GNA12: variants seen among roughly 807,000 people sequenced by gnomAD.
GNA12 encodes guanine nucleotide-binding protein subunit alpha-12.
Under a neutral mutation model 26.0 loss-of-function variants are expected in GNA12, and 9 were observed. The observed-to-expected ratio is 0.35, with a 90% CI of 0.21 to 0.60. The LOEUF (loss-of-function observed/expected upper bound fraction) is 0.60, where lower values mean the gene tolerates loss of function less well. Ranked by LOEUF, GNA12 falls within the 20% of genes least tolerant of loss-of-function variation. GNA12 has a pLI of 0.78. For synonymous variants in GNA12, 264 were observed against 219.6 expected, an observed-to-expected ratio of 1.20 and a Z score of -1.79; for missense variants, 405 against 525.8, an observed-to-expected ratio of 0.77 and a Z score of 2.25.
At chr7:2,735,949 C>T (rs1055566373) in intron 2 of GNA12, among the ~76,000 whole-genome samples, 2 of 152,198 alleles carry the variant, frequency 1.3e-5, no homozygotes, top group African/African-American at 4.8e-5. Context: ...CTGTCACTCA[C>T]ATCCGCACTC....
chr7:2,736,960 T>A (rs1790213283), intron 2 of GNA12, among the ~76,000 whole-genome samples: 1 of 152,222 alleles, frequency 6.6e-6, no homozygotes, highest in Non-Finnish European at 1.5e-5. Flanking sequence ...CATGAGGGGC[T>A]GACTCTGGTT....
At chr7:2,754,677 A>G (rs1791206117) in intron 2 of GNA12, among the ~76,000 whole-genome samples, 1 of 152,112 alleles carries the variant, frequency 6.6e-6, no homozygotes, top group African/African-American at 2.4e-5. Context: ...TGAGCCCAGG[A>G]GACTGAGGCT....
chr7:2,746,977 T>G (rs1172065415), intron 2 of GNA12, among the ~76,000 whole-genome samples: 1 of 152,070 alleles, frequency 6.6e-6, no homozygotes, highest in African/African-American at 2.4e-5. Flanking sequence ...AGGAAGAAGT[T>G]GAATCTCTGA....
At chr7:2,740,771 G>T (rs1047143672) in intron 2 of GNA12, among the ~76,000 whole-genome samples, 4 of 152,140 alleles carry the variant, frequency 2.6e-5, no homozygotes, top group Non-Finnish European at 5.9e-5. Flanking sequence ...AGGGCTCGCC[G>T]CGGTGACTCA....
chr7:2,830,041 A>G (rs1583314541), intron 1 of GNA12, among the ~76,000 whole-genome samples: 1 of 152,218 alleles, frequency 6.6e-6, no homozygotes, highest in Admixed American at 6.5e-5. Flanking sequence ...GGGTGCCTCC[A>G]CACTTCCTGG....
intron 1 of GNA12, chr7:2,814,193 T>C: frequency 1.5e-6 from 1 of 659,956 alleles, no homozygotes; most frequent in Non-Finnish European, 2.8e-6. Context: ...GTGAGTGAAA[T>C]TCTCCATCAT....
intron 1 of GNA12, among the ~76,000 whole-genome samples, chr7:2,796,252 A>G (rs984444380): frequency 2.0e-5 from 3 of 152,202 alleles, no homozygotes; most frequent in African/African-American, 4.8e-5. Flanking sequence ...TTTAAAGTTT[A>G]ATTTAATTTA....
At chr7:2,738,038 A>G (rs565732005) in intron 2 of GNA12, among the ~76,000 whole-genome samples, 13 of 152,282 alleles carry the variant, frequency 8.5e-5, no homozygotes, top group Non-Finnish European at 1.9e-4. Context: ...GAGATACAAC[A>G]CCACATTCAT....
intron 2 of GNA12, among the ~76,000 whole-genome samples, chr7:2,787,523 C>T (rs1792392556): frequency 6.6e-6 from 1 of 152,184 alleles, no homozygotes. Context: ...ATTCTTCCAG[C>T]TACAACACTC....
chr7:2,830,953 GAAAA>G (rs3831679), intron 1 of GNA12, among the ~76,000 whole-genome samples: 1 of 148,700 alleles, frequency 6.7e-6, no homozygotes, highest in South Asian at 2.2e-4. Context: ...AAAAATTAAT[GAAAA>G]AAAAACAAAA....
At chr7:2,749,730 T>C (rs951113211) in intron 2 of GNA12, among the ~76,000 whole-genome samples, 1 of 151,984 alleles carries the variant, frequency 6.6e-6, no homozygotes, top group Non-Finnish European at 1.5e-5. Flanking sequence ...CAAATGGAAA[T>C]TTTAGAACTA....
chr7:2,738,077 T>G (rs1224623009), intron 2 of GNA12, among the ~76,000 whole-genome samples: 1 of 152,082 alleles, frequency 6.6e-6, no homozygotes, highest in Non-Finnish European at 1.5e-5. Context: ...GCTTTTCAAG[T>G]TTTAATTTGG....
chr7:2,795,631 A>AAG (rs1169018931), intron 1 of GNA12, among the ~76,000 whole-genome samples: 1 of 151,116 alleles, frequency 6.6e-6, no homozygotes, highest in Non-Finnish European at 1.5e-5. Context: ...CTGTTTCAAA[A>AAG]AAAAAAAAAG....
Position 2,754,970 on chromosome 7 carries a change from G to C in GNA12, c.526-21469C>G, listed in dbSNP as rs566096151. On this transcript the variant is annotated intron_variant, in intron 2 of 3. Transcript: ENST00000275364. ...CAGTTTGAATTAATTTTGTATAAGA[G>C]ATTTAGGTCAAGGTTCACTTTTTCT... Among the ~76,000 whole-genome samples the C allele has an allele frequency of 8.5e-5, 13 of 152,292 alleles. No homozygotes were observed. The South Asian group carries it at 2.7e-3, about 32-fold the overall frequency.
At chr7:2,748,791 A>C (rs1181276717) in intron 2 of GNA12, among the ~76,000 whole-genome samples, 1 of 152,042 alleles carries the variant, frequency 6.6e-6, no homozygotes, top group Non-Finnish European at 1.5e-5. Context: ...CAGAATCTAC[A>C]ATGAACTCAA....
chr7:2,763,132 A>T, intron 2 of GNA12: 1 of 1,232,250 alleles, frequency 8.1e-7, no homozygotes, highest in Non-Finnish European at 1.0e-6. Context: ...CTCTCTTCTC[A>T]GAAGCATTTC....
intron 1 of GNA12, among the ~76,000 whole-genome samples, chr7:2,803,598 G>A (rs189384960): frequency 1.4e-4 from 21 of 152,300 alleles, no homozygotes; most frequent in Admixed American, 1.0e-3. Flanking sequence ...CCACAGGAGG[G>A]GATGGCTTAG....
At chr7:2,805,407 T>C (rs1792921835) in intron 1 of GNA12, among the ~76,000 whole-genome samples, 1 of 152,224 alleles carries the variant, frequency 6.6e-6, no homozygotes, top group African/African-American at 2.4e-5. Context: ...GCTAGAGATT[T>C]TCTTTTTTTT....
intron 2 of GNA12, among the ~76,000 whole-genome samples, chr7:2,781,412 C>CTGTGTGTGTGTGTG (rs58348546): frequency 0.018 from 2,650 of 143,664 alleles, 46 homozygotes; most frequent in Non-Finnish European, 0.025. Context: ...AAGTAAGTGT[C>CTGTGTGTGTGTGTG]TGTGTGTGTG....
Sources: gnomAD v4.1 joint callset for allele counts (sites outside exome capture counted in the v4.1 genomes callset) on GRCh38, gnomAD v4.1.1 for gene constraint, MANE v1.5 for transcripts, NCBI Gene and HGNC (gene_info 2026-07-23, HGNC 2026-07-21) for gene names.